DHX15: variants seen among roughly 807,000 people sequenced by gnomAD.
The protein encoded by DHX15 is DEAH-box helicase 15.
Under a neutral mutation model 94.4 loss-of-function variants are expected in DHX15, and 11 were observed. The ratio of observed to expected loss-of-function variants is 0.12; its 90% CI spans 0.07 to 0.19. The LOEUF (loss-of-function observed/expected upper bound fraction) is 0.19. DHX15 is among the 10% of genes least tolerant of loss of function. The pLI is 1.00. For missense variants in DHX15, 304 were observed against 988.5 expected (o/e 0.31, Z 9.29); for synonymous variants, 338 against 329.9 (o/e 1.02, Z -0.27).
chr4:24,575,638 C>T (rs1369537233), intron 2 of DHX15, among the ~76,000 whole-genome samples: 1 of 152,164 alleles, frequency 6.6e-6, no homozygotes, highest in East Asian at 1.9e-4. Flanking sequence ...GATCTTCTGA[C>T]CCAGCAATTT....
intron 11 of DHX15, 53 bp downstream of exon 11, chr4:24,536,998 T>C (rs1721212637): frequency 1.9e-6 from 3 of 1,577,802 alleles, no homozygotes; most frequent in East Asian, 2.3e-5. Context: ...AAACATCTTA[T>C]ACACTGCAAG....
intron 10 of DHX15, chr4:24,538,943 A>G (rs1281402429): frequency 6.6e-6 from 1 of 152,148 alleles, no homozygotes; most frequent in African/African-American, 2.4e-5. Flanking sequence ...ACTTTCTCTA[A>G]AAACTAAAAT....
intron 3 of DHX15, among the ~76,000 whole-genome samples, chr4:24,557,232 T>C (rs1042859582): frequency 6.6e-6 from 1 of 152,218 alleles, no homozygotes; most frequent in African/African-American, 2.4e-5. Context: ...CCACACTGGT[T>C]ACTGATGTCA....
chr4:24,573,269 G>C (rs1285694832), intron 2 of DHX15, among the ~76,000 whole-genome samples: 1 of 152,136 alleles, frequency 6.6e-6, no homozygotes, highest in African/African-American at 2.4e-5. Context: ...CTCCACTTGA[G>C]GGCATCTTAA....
chr4:24,556,492 G>A (rs758944099), intron 3 of DHX15, 82 bp from the exon 4 acceptor site: 2 of 1,133,916 alleles, frequency 1.8e-6, no homozygotes, highest in South Asian at 1.8e-5. Context: ...GAAATGCAAA[G>A]ACATAAGGTA....
chr4:24,575,716 A>C lies in DHX15; in HGVS notation c.507+527T>G, dbSNP rs181879263. Among the ~76,000 whole-genome samples, 119 of 152,350 alleles carry C rather than the reference A, an allele frequency of 7.8e-4. 2 individuals carry two copies. The East Asian group carries it at 0.021, about 27-fold the overall frequency. The stretch of plus-strand genomic sequence containing the variant: ...GGAAACAGTCTAAATGTCTATCAAC[A>C]GGGGTCTAGTTAATAATAGCCCATC... On this transcript the variant is annotated intron_variant, in intron 2 of 13. Coordinates refer to ENST00000336812, the MANE Select transcript of DHX15 (RefSeq NM_001358.3).
At chr4:24,534,104 A>C (rs936319707) in intron 11 of DHX15, 7 of 152,228 alleles carry the variant, frequency 4.6e-5, no homozygotes, top group African/African-American at 1.7e-4. Context: ...TTTTTGAATT[A>C]AAGAATACAA....
chr4:24,539,937 A>C, intron 10 of DHX15, 171 bp downstream of exon 10: 1 of 443,418 alleles, frequency 2.3e-6, no homozygotes, highest in Non-Finnish European at 3.9e-6. Flanking sequence ...TACTTTTGTA[A>C]GCACTATGTC....
At chr4:24,549,738 AC>A (rs1479345454) in intron 5 of DHX15, among the ~76,000 whole-genome samples, 1 of 152,198 alleles carries the variant, frequency 6.6e-6, no homozygotes, top group Non-Finnish European at 1.5e-5. Context: ...ACAGTAGGCA[AC>A]TGTAACACAA....
At chr4:24,562,005 C>A (rs905814894) in intron 3 of DHX15, among the ~76,000 whole-genome samples, 1 of 151,884 alleles carries the variant, frequency 6.6e-6, no homozygotes, top group African/African-American at 2.4e-5. Flanking sequence ...GTGGCGTGCA[C>A]CTGTAGCCCC....
rs557129138 is a variant in DHX15 at position 24,546,299 on chromosome 4, A to G, written c.1248+2556T>C. ...GGCCATTTCTCTTTTTCACTGAGCA[A>G]TGTATGCTCTGAACCATATTAATCA... On this transcript the variant is annotated intron_variant, in intron 6 of 13. Coordinates refer to ENST00000336812, the MANE Select transcript of DHX15 (RefSeq NM_001358.3). Among the ~76,000 whole-genome samples the G allele has an allele frequency of 2.4e-4, 37 of 152,344 alleles. No homozygotes were observed. In the South Asian group the frequency reaches 7.2e-3, roughly 30 times the overall value.
At chr4:24,565,431 C>T (rs985862295) in intron 3 of DHX15, among the ~76,000 whole-genome samples, 2 of 152,202 alleles carry the variant, frequency 1.3e-5, no homozygotes, top group African/African-American at 4.8e-5. Flanking sequence ...AATAAAATTA[C>T]CCTTACCTAA....
intron 3 of DHX15, among the ~76,000 whole-genome samples, chr4:24,567,646 C>T (rs1192938731): frequency 2.0e-5 from 3 of 151,828 alleles, no homozygotes; most frequent in African/African-American, 7.3e-5. Context: ...AGGGCTACAC[C>T]AGAAGCCAAC....
chr4:24,568,348 T>C (rs979911784), intron 3 of DHX15, among the ~76,000 whole-genome samples: 8 of 152,348 alleles, frequency 5.3e-5, no homozygotes, highest in Admixed American at 2.6e-4. Context: ...AGCTAACTTA[T>C]TGTAATAATA....
At chr4:24,544,138 G>A (rs1184054161) in intron 6 of DHX15, among the ~76,000 whole-genome samples, 3 of 152,116 alleles carry the variant, frequency 2.0e-5, no homozygotes, top group Non-Finnish European at 4.4e-5. Context: ...AAAAACACAT[G>A]TGGGAGAAAT....
chr4:24,567,844 T>C (rs182635079), intron 3 of DHX15, among the ~76,000 whole-genome samples: 173 of 152,192 alleles, frequency 1.1e-3, no homozygotes, highest in Admixed American at 2.4e-3. Flanking sequence ...AAGAAAAGGA[T>C]GGGGACAAGC....
intron 6 of DHX15, among the ~76,000 whole-genome samples, chr4:24,547,789 A>T (rs896920667): frequency 1.5e-5 from 2 of 132,410 alleles, no homozygotes; most frequent in African/African-American, 2.8e-5. Context: ...CATGTTGTTT[A>T]AAAAAAAAAA....
At chr4:24,555,032 T>A in intron 4 of DHX15, 89 bp from the exon 5 acceptor site, 1 of 957,258 alleles carries the variant, frequency 1.0e-6, no homozygotes. Context: ...TCTACATATA[T>A]CAGCTATAAA....
chr4:24,570,990 G>T, intron 2 of DHX15, 143 bp from the exon 3 acceptor site: 5 of 832,488 alleles, frequency 6.0e-6, no homozygotes, highest in East Asian at 2.7e-5. Flanking sequence ...TTCAAAACTT[G>T]TAACAACACA....
Sources: gnomAD v4.1 joint callset for allele counts (sites outside exome capture counted in the v4.1 genomes callset) on GRCh38, gnomAD v4.1.1 for gene constraint, MANE v1.5 for transcripts, NCBI Gene and HGNC (gene_info 2026-07-23, HGNC 2026-07-21) for gene names.